TBC1D1: variants seen among roughly 807,000 people sequenced by gnomAD.
TBC1D1 encodes TBC1 (tre-2/USP6, BUB2, cdc16) domain family, member 1.
TBC1D1 carries 89 observed loss-of-function variants against 125.6 expected under a neutral mutation model. The ratio of observed to expected loss-of-function variants is 0.71; its 90% CI spans 0.60 to 0.85. TBC1D1 has a LOEUF of 0.85. TBC1D1 is among the 40% of genes least tolerant of loss of function. The pLI is 0.00. For missense variants in TBC1D1, 1,377 were observed against 1,469.2 expected, an observed-to-expected ratio of 0.94 and a Z score of 1.03; for synonymous variants, 565 against 564.1, an observed-to-expected ratio of 1.00 and a Z score of -0.02.
intron 2 of TBC1D1, among the ~76,000 whole-genome samples, chr4:37,985,775 G>T (rs1398478452): frequency 6.6e-6 from 1 of 152,178 alleles, no homozygotes; most frequent in Non-Finnish European, 1.5e-5. Flanking sequence ...TGAATAGCTT[G>T]CAGTCTAATG....
Position 37,899,680 on chromosome 4 carries a change from T to A in TBC1D1, c.-93-2323T>A, listed in dbSNP as rs184660550. 7.2e-4 allele frequency among the ~76,000 whole-genome samples: 110 copies of A among 152,294 alleles called. No homozygotes were observed. In the Middle Eastern group the frequency reaches 0.017, roughly 24 times the overall value. On this transcript the variant is annotated intron_variant, in intron 1 of 19. Transcript: ENST00000261439. ...CAGCAGCAGGATCACCAGAATGTGGTGCTTGACACCAAAAGATTAGGTGAG... is the reference window on the plus strand; with the variant it reads ...CAGCAGCAGGATCACCAGAATGTGGAGCTTGACACCAAAAGATTAGGTGAG...
chr4:37,908,449 G>T (rs1717828781), intron 2 of TBC1D1, among the ~76,000 whole-genome samples: 1 of 152,086 alleles, frequency 6.6e-6, no homozygotes. Context: ...CAAGTGATCC[G>T]CCCGCTTCCA....
At chr4:38,025,700 A>G (rs1336868450) in intron 6 of TBC1D1, among the ~76,000 whole-genome samples, 3 of 152,122 alleles carry the variant, frequency 2.0e-5, no homozygotes, top group African/African-American at 4.8e-5. Context: ...GATGTCCTTC[A>G]TATGTGGGGG....
At position 38,137,558 on chromosome 4, in the gene TBC1D1, C is replaced by T; in HGVS notation, c.*223C>T. ...GATACTAAATCGTCCCTTCTCCAGT[C>T]CTGATTACTGTACACAGTAGCTTTA... On this transcript the variant is annotated 3_prime_UTR_variant, in exon 20 of 20. Transcript: ENST00000261439. The T allele has an allele frequency of 4.0e-6, 2 of 502,204 alleles. No homozygotes were observed. The highest frequency in any genetic ancestry group is 3.2e-6 in the Non-Finnish European group (1 of 309,986). 31.1% of individuals were successfully genotyped at this position (502,204 alleles called of 1,614,324 possible).
At chr4:38,054,028 AGTTCTTTAG>A (rs1751215001) in intron 11 of TBC1D1, among the ~76,000 whole-genome samples, 162 bp from the exon 14 acceptor site, 1 of 152,258 alleles carries the variant, frequency 6.6e-6, no homozygotes, top group African/African-American at 2.4e-5. Context: ...GTAAGAAAGC[AGTTCTTTAG>A]GAATGATGAC....
In TBC1D1 at chr4:38,119,389, A is replaced by G. The variant is rs923053483; in HGVS notation, c.2962+1197A>G. On this transcript the variant is annotated intron_variant, in intron 17 of 19. Transcript: ENST00000261439. ...AAAGAGTTTCCCATTTTGCTTTACT[A>G]TAAGAATTCATATTCCTTCTTTTCT... Among the ~76,000 whole-genome samples, 87 of 152,238 alleles carry G rather than the reference A, an allele frequency of 5.7e-4. 1 individual carries two copies. The highest frequency in any genetic ancestry group is 5.4e-3 in the Admixed American group (83 of 15,300).
intron 2 of TBC1D1, among the ~76,000 whole-genome samples, chr4:37,984,961 A>G (rs1239360002): frequency 6.6e-6 from 1 of 151,930 alleles, no homozygotes; most frequent in Non-Finnish European, 1.5e-5. Context: ...TATGATATAT[A>G]TATTTTCTTG....
At chr4:38,013,520 C>A (rs1741970089) in intron 2 of TBC1D1, among the ~76,000 whole-genome samples, 1 of 152,064 alleles carries the variant, frequency 6.6e-6, no homozygotes, top group African/African-American at 2.4e-5. Flanking sequence ...AAAAAGTAGG[C>A]CCTTTTGAAG....
At chr4:38,072,056 T>C (rs1237396804) in intron 12 of TBC1D1, among the ~76,000 whole-genome samples, 3 of 152,194 alleles carry the variant, frequency 2.0e-5, no homozygotes, top group Admixed American at 6.5e-5. Context: ...TTGGGCCTGC[T>C]ACCCACCCCT....
intron 2 of TBC1D1, among the ~76,000 whole-genome samples, chr4:38,000,809 C>T (rs557422375): frequency 1.7e-4 from 26 of 152,322 alleles, no homozygotes; most frequent in African/African-American, 6.3e-4. Context: ...CCCCAAGATA[C>T]CCACTGACCT....
At chr4:38,098,946 C>A (rs1180033105) in intron 14 of TBC1D1, among the ~76,000 whole-genome samples, 1 of 152,158 alleles carries the variant, frequency 6.6e-6, no homozygotes. Flanking sequence ...GAGAAGATAA[C>A]ATAATCCTAT....
chr4:37,906,464 T>A (rs1395234046), intron 2 of TBC1D1, among the ~76,000 whole-genome samples: 1 of 152,222 alleles, frequency 6.6e-6, no homozygotes, highest in East Asian at 1.9e-4. Context: ...TTTCTTAAAA[T>A]GAGTTATACA....
rs748234165 is a variant in TBC1D1 at position 38,018,458 on chromosome 4, G to A, written c.972+15G>A. The A allele has an allele frequency of 6.7e-7, 1 of 1,493,006 alleles. No homozygotes were observed. The highest frequency in any genetic ancestry group is 2.0e-5 in the Admixed American group (1 of 50,028). 92.5% of individuals were successfully genotyped at this position (1,493,006 alleles called of 1,614,324 possible). A position where few individuals can be genotyped will look rare whatever the true frequency, so the allele number is the denominator to read the frequency against. ...TTTGCTCTCAGGTAAATGGAGATGGGTTTTTTTATTCAATTGCAATGGAAT... is the reference window on the plus strand; with the variant it reads ...TTTGCTCTCAGGTAAATGGAGATGGATTTTTTTATTCAATTGCAATGGAAT... On this transcript the variant is annotated intron_variant, in intron 4 of 19. Transcript: ENST00000261439.
chr4:38,015,321 T>C (rs906046800), intron 3 of TBC1D1, among the ~76,000 whole-genome samples: 3 of 152,342 alleles, frequency 2.0e-5, no homozygotes, highest in Non-Finnish European at 4.4e-5. Flanking sequence ...AATCTTTTAG[T>C]TGGAAAACAC....
intron 13 of TBC1D1, among the ~76,000 whole-genome samples, 159 bp downstream of exon 15, chr4:38,090,276 C>T (rs1758212223): frequency 6.6e-6 from 1 of 152,212 alleles, no homozygotes; most frequent in Non-Finnish European, 1.5e-5. Context: ...AATATTAACA[C>T]TGTTTACTTT....
At chr4:38,114,890 A>C (rs977691735) in intron 15 of TBC1D1, among the ~76,000 whole-genome samples, 12 of 152,012 alleles carry the variant, frequency 7.9e-5, no homozygotes, top group African/African-American at 2.9e-4. Context: ...GGAGATATGC[A>C]TGTGGTATGA....
chr4:38,075,246 G>A (rs765880376), intron 12 of TBC1D1, among the ~76,000 whole-genome samples: 3 of 152,196 alleles, frequency 2.0e-5, no homozygotes, highest in Non-Finnish European at 4.4e-5. Context: ...GTAAATTTAT[G>A]TCAGTGTACT....
rs1170231718 is a variant in TBC1D1, at chr4:38,105,749, T to G, written c.2557+2592T>G. ...GTAATGACCTGCAGCTGCATCCATG[T>G]TGCTGCAAAGGACATGATTTTGTCC... On this transcript the variant is annotated intron_variant, in intron 15 of 19. Coordinates refer to ENST00000261439, the MANE Select transcript of TBC1D1 (RefSeq NM_015173.4). Among the ~76,000 whole-genome samples the G allele has an allele frequency of 4.6e-5, 7 of 152,322 alleles. No homozygotes were observed. In the South Asian group the frequency reaches 8.3e-4, roughly 18 times the overall value.
chr4:38,095,822 G>A, intron 13 of TBC1D1, 107 bp from the exon 16 acceptor site: 1 of 1,197,258 alleles, frequency 8.4e-7, no homozygotes, highest in Non-Finnish European at 1.2e-6. Flanking sequence ...TAAGCCAGTT[G>A]TAACTGCTTG....
Sources: gnomAD v4.1 joint callset for allele counts (sites outside exome capture counted in the v4.1 genomes callset) on GRCh38, gnomAD v4.1.1 for gene constraint, MANE v1.5 for transcripts, NCBI Gene and HGNC (gene_info 2026-07-23, HGNC 2026-07-21) for gene names.